The following MAF variants were observed in gnomAD, a reference collection of about 807,000 sequenced individuals.
The protein encoded by MAF is transcription factor Maf.
Under a neutral mutation model 22.0 loss-of-function variants are expected in MAF, and 10 were observed. The observed-to-expected ratio is 0.45, with a 90% CI of 0.28 to 0.77. The LOEUF (loss-of-function observed/expected upper bound fraction) is 0.77. Among genes scored for constraint, MAF ranks in the 30% least tolerant of loss-of-function variants. MAF has a pLI of 0.12. For synonymous variants in MAF, 337 were observed against 255.8 expected (o/e 1.32, Z -3.03); for missense variants, 544 against 548.4 (o/e 0.99, Z 0.08).
chr16:79,313,660 G>T, the MAF span, among the ~76,000 whole-genome samples: 1 of 152,082 alleles, frequency 6.6e-6, no homozygotes, highest in South Asian at 2.1e-4. Flanking sequence ...CATCCCCCAA[G>T]GCCTTGGGTG....
Position 79,600,205 on chromosome 16 carries a change from G to T in MAF, c.-303C>A, listed in dbSNP as rs931014472. The T allele has an allele frequency of 1.5e-5, 5 of 328,062 alleles. No individual in the cohort carries two copies. The highest frequency in any genetic ancestry group is 2.2e-5 in the Non-Finnish European group (4 of 178,724). 20.3% of individuals were successfully genotyped at this position (328,062 alleles called of 1,614,324 possible). On this transcript the variant is annotated 5_prime_UTR_variant, in exon 1 of 2. Coordinates refer to ENST00000326043, the MANE Select transcript of MAF (RefSeq NM_005360.5). ...GCGCCGAGCCGGCGGCTTCAGGCTC[G>T]GGAAGATCCTCCGCGAGCTGCGGTG...
the MAF span, among the ~76,000 whole-genome samples, chr16:79,529,679 G>C: frequency 0.075 from 11,438 of 152,224 alleles, 481 homozygotes; most frequent in South Asian, 0.15. Flanking sequence ...TATTATTTTA[G>C]GCTGGGCGCG....
rs1312315719 is a variant in MAF at position 79,600,569 on chromosome 16, G to C, written c.-667C>G. 1.0e-5 allele frequency: 2 copies of C among 195,984 alleles called. No individual in the cohort carries two copies. Among genetic ancestry groups the C allele is most frequent in the Non-Finnish European group, 2.4e-5 (2 of 85,054 alleles). 12.1% of individuals were successfully genotyped at this position (195,984 alleles called of 1,614,324 possible). A position where few individuals can be genotyped will look rare whatever the true frequency, so the allele number is the denominator to read the frequency against. On this transcript the variant is annotated 5_prime_UTR_variant, in exon 1 of 2. Coordinates refer to ENST00000326043, the MANE Select transcript of MAF (RefSeq NM_005360.5). ...GAGGTGCAGCCCGACTGGAGGAGAGGGAGGGGGGAGTTTAGTTCTTTCTTG... is the reference window on the plus strand; with the variant it reads ...GAGGTGCAGCCCGACTGGAGGAGAGCGAGGGGGGAGTTTAGTTCTTTCTTG...
chr16:79,598,182 T>A, intron 1 of MAF: 1 of 1,049,066 alleles, frequency 9.5e-7, no homozygotes, highest in Non-Finnish European at 1.1e-6. Context: ...TTTTCTTTCA[T>A]CTCGGAAGAG....
chr16:79,400,707 C>T, the MAF span, among the ~76,000 whole-genome samples: 17 of 152,246 alleles, frequency 1.1e-4, no homozygotes, highest in Non-Finnish European at 2.4e-4. Context: ...ATTATCTCTG[C>T]CTGCAAGGCG....
chr16:79,286,906 G>C, the MAF span, among the ~76,000 whole-genome samples: 2 of 152,130 alleles, frequency 1.3e-5, no homozygotes, highest in South Asian at 2.1e-4. Context: ...GTATCGACGA[G>C]TTCTTGGAGT....
chr16:79,300,633 T>A, the MAF span, among the ~76,000 whole-genome samples: 2 of 148,646 alleles, frequency 1.3e-5, no homozygotes, highest in African/African-American at 2.5e-5. Flanking sequence ...TGCAAGTTCC[T>A]AAAGATTATG....
the MAF span, among the ~76,000 whole-genome samples, chr16:79,419,169 G>A: frequency 2.6e-5 from 4 of 152,162 alleles, no homozygotes; most frequent in African/African-American, 9.7e-5. Context: ...CCAGGTAAGG[G>A]CAATCATGGG....
the MAF span, among the ~76,000 whole-genome samples, chr16:79,248,367 G>C: frequency 6.6e-6 from 1 of 152,102 alleles, no homozygotes; most frequent in African/African-American, 2.4e-5. Flanking sequence ...GACATCCGAA[G>C]CTCTCCCACT....
the MAF span, among the ~76,000 whole-genome samples, chr16:79,292,383 G>T: frequency 6.6e-6 from 1 of 152,166 alleles, no homozygotes; most frequent in South Asian, 2.1e-4. Context: ...CTAGTTAGAG[G>T]CAAGGAAATT....
At chr16:79,306,920 T>C in the MAF span, among the ~76,000 whole-genome samples, 202 of 152,298 alleles carry the variant, frequency 1.3e-3, no homozygotes, top group African/African-American at 3.6e-3. Context: ...ATTGGCTATT[T>C]TGTGAAAAAG....
At chr16:79,301,875 C>T in the MAF span, among the ~76,000 whole-genome samples, 2 of 152,320 alleles carry the variant, frequency 1.3e-5, no homozygotes, top group East Asian at 3.9e-4. Context: ...CTGTATGTTA[C>T]TAGTGGGGAA....
At chr16:79,374,593 G>A in the MAF span, among the ~76,000 whole-genome samples, 1 of 152,150 alleles carries the variant, frequency 6.6e-6, no homozygotes. Flanking sequence ...TATTGATGAT[G>A]CTATTATAGG....
At chr16:79,464,989 T>C in the MAF span, among the ~76,000 whole-genome samples, 7 of 152,328 alleles carry the variant, frequency 4.6e-5, no homozygotes, top group East Asian at 7.7e-4. Context: ...GCTGAGTATA[T>C]AGTCATTTTA....
At chr16:79,219,788 A>G in the MAF span, among the ~76,000 whole-genome samples, 1 of 151,980 alleles carries the variant, frequency 6.6e-6, no homozygotes, top group Non-Finnish European at 1.5e-5. Context: ...TTTATTTTCA[A>G]TGTAGGACTT....
chr16:79,558,812 G>C, the MAF span, among the ~76,000 whole-genome samples: 2 of 152,180 alleles, frequency 1.3e-5, no homozygotes, highest in South Asian at 2.1e-4. Context: ...AGGATCTTTA[G>C]CCTAGTTCTC....
chr16:79,287,526 T>C, the MAF span, among the ~76,000 whole-genome samples: 8 of 152,198 alleles, frequency 5.3e-5, no homozygotes, highest in Non-Finnish European at 8.8e-5. Context: ...CCCCAAACCC[T>C]GAGTCCTGCC....
the MAF span, among the ~76,000 whole-genome samples, chr16:79,520,050 G>A: frequency 5.9e-4 from 90 of 152,188 alleles, no homozygotes; most frequent in Non-Finnish European, 7.9e-4. Flanking sequence ...GCTGACACAC[G>A]TTGGGTCAAA....
At chr16:79,435,885 G>A in the MAF span, among the ~76,000 whole-genome samples, 1 of 152,148 alleles carries the variant, frequency 6.6e-6, no homozygotes, top group Non-Finnish European at 1.5e-5. Flanking sequence ...AAGCATGTGA[G>A]GAAAGCTTGG....
Sources: gnomAD v4.1 joint callset for allele counts (sites outside exome capture counted in the v4.1 genomes callset) on GRCh38, gnomAD v4.1.1 for gene constraint, MANE v1.5 for transcripts, NCBI Gene and HGNC (gene_info 2026-07-23, HGNC 2026-07-21) for gene names.